ASCC3: variants seen among roughly 807,000 people sequenced by gnomAD.
ASCC3 encodes ASC-1 complex subunit P200.
In ASCC3, 158 loss-of-function variants were observed where a neutral mutation model predicts 256.3. The observed-to-expected ratio is 0.62, with a 90% CI of 0.54 to 0.70. The LOEUF is 0.70. Among genes scored for constraint, ASCC3 ranks in the 30% least tolerant of loss-of-function variants. ASCC3 has a pLI of 0.00. For missense variants in ASCC3, 2,259 were observed against 2,626.0 expected (o/e 0.86, Z 3.05); for synonymous variants, 948 against 883.4 (o/e 1.07, Z -1.30).
chr6:100,563,798 A>G (rs1770080421), intron 36 of ASCC3, among the ~76,000 whole-genome samples: 1 of 152,210 alleles, frequency 6.6e-6, no homozygotes, highest in South Asian at 2.1e-4. Context: ...CTGATAATCT[A>G]AATTTGCTAT....
intron 1 of ASCC3, among the ~76,000 whole-genome samples, chr6:100,874,189 T>C (rs1773878113): frequency 6.6e-6 from 1 of 152,126 alleles, no homozygotes; most frequent in Non-Finnish European, 1.5e-5. Flanking sequence ...CATTTTAGGC[T>C]GGGCGCGGTG....
chr6:100,616,400 T>C (rs964405129), intron 30 of ASCC3, among the ~76,000 whole-genome samples: 108 of 152,348 alleles, frequency 7.1e-4, no homozygotes, highest in African/African-American at 2.5e-3. Flanking sequence ...TGCATTACAG[T>C]TTTCATAAAT....
At chr6:100,878,722 C>T (rs1327516901) in intron 1 of ASCC3, among the ~76,000 whole-genome samples, 1 of 152,218 alleles carries the variant, frequency 6.6e-6, no homozygotes, top group Non-Finnish European at 1.5e-5. Flanking sequence ...AAGGAATTTA[C>T]GCCTGCCCTC....
In ASCC3 at chr6:100,673,180, A is replaced by G. The variant is rs1322686616; in HGVS notation, c.2286+6438T>C. ...AGAAATAAGTTGGCATTCCAGAGAGAGGACCCTAATTAGAAAAAGATAAAT... is the reference window on the plus strand; with the variant it reads ...AGAAATAAGTTGGCATTCCAGAGAGGGGACCCTAATTAGAAAAAGATAAAT... On this transcript the variant is annotated intron_variant, in intron 14 of 41. Transcript: ENST00000369162. Among the ~76,000 whole-genome samples, 3 of 152,108 alleles carry G rather than the reference A, an allele frequency of 2.0e-5. No individual in the cohort carries two copies. The East Asian group carries it at 5.8e-4, about 29-fold the overall frequency.
intron 16 of ASCC3, among the ~76,000 whole-genome samples, chr6:100,660,521 TTTTA>T (rs2114929167): frequency 1.3e-5 from 2 of 151,842 alleles, no homozygotes; most frequent in South Asian, 2.1e-4. Context: ...TGGATTCAAA[TTTTA>T]TTTCTCAGTT....
At chr6:100,670,638 T>C (rs556274093) in intron 14 of ASCC3, among the ~76,000 whole-genome samples, 66 of 143,076 alleles carry the variant, frequency 4.6e-4, no homozygotes, top group African/African-American at 1.1e-3. Context: ...ACCAACTTTT[T>C]TTCCCCCCCA....
intron 10 of ASCC3, among the ~76,000 whole-genome samples, chr6:100,761,326 C>G (rs372703248): frequency 1.3e-5 from 2 of 152,062 alleles, no homozygotes; most frequent in South Asian, 4.2e-4. Context: ...CTCATTGCTA[C>G]AAAAAATAAC....
Position 100,627,994 on chromosome 6 carries a change from A to C in ASCC3, c.4376-7T>G. The C allele has an allele frequency of 6.2e-7, 1 of 1,613,044 alleles. No homozygotes were observed. The highest frequency in any genetic ancestry group is 8.5e-7 in the Non-Finnish European group (1 of 1,179,508). On this transcript the variant is annotated splice_region_variant and splice_polypyrimidine_tract_variant and intron_variant, in intron 27 of 41. Transcript: ENST00000369162. ...ACAGGGCCTCTTTCCTCCCCTAGAA[A>C]ATAGGGAAAAATCAATGTTAATCAT...
chr6:100,715,580 ACTTT>A, intron 12 of ASCC3, 47 bp from the exon 13 acceptor site: 1 of 1,522,664 alleles, frequency 6.6e-7, no homozygotes, highest in Non-Finnish European at 9.0e-7. Flanking sequence ...ACAATTATAA[ACTTT>A]CTAACTACAA....
At chr6:100,534,071 T>C (rs773170212) in intron 37 of ASCC3, among the ~76,000 whole-genome samples, 3 of 152,112 alleles carry the variant, frequency 2.0e-5, no homozygotes, top group African/African-American at 7.2e-5. Context: ...GGTGAAACTC[T>C]GTCTCTACAA....
At chr6:100,744,086 A>G (rs977895700) in intron 10 of ASCC3, among the ~76,000 whole-genome samples, 3 of 152,236 alleles carry the variant, frequency 2.0e-5, no homozygotes, top group Admixed American at 2.0e-4. Context: ...TTTACCCTGA[A>G]TGTCCTTACT....
chr6:100,732,165 C>CAAAAAAA (rs386408063), intron 10 of ASCC3, among the ~76,000 whole-genome samples: 26 of 104,792 alleles, frequency 2.5e-4, no homozygotes, highest in Middle Eastern at 4.7e-3. Flanking sequence ...CGTCTCAAAA[C>CAAAAAAA]AAAAAAAAAA....
chr6:100,766,782 C>T (rs1781678947), intron 9 of ASCC3, 77 bp from the exon 10 acceptor site: 3 of 1,542,070 alleles, frequency 1.9e-6, no homozygotes, highest in Admixed American at 1.7e-5. Context: ...CAATACAAGT[C>T]ACAATTTATT....
intron 3 of ASCC3, among the ~76,000 whole-genome samples, chr6:100,851,570 A>G (rs1772670340): frequency 6.6e-6 from 1 of 152,230 alleles, no homozygotes. Context: ...TCAAATTTTT[A>G]ATAACCATTA....
intron 1 of ASCC3, among the ~76,000 whole-genome samples, chr6:100,875,972 T>A (rs1452231717): frequency 6.6e-6 from 1 of 151,612 alleles, no homozygotes; most frequent in East Asian, 1.9e-4. Context: ...GGTTTAAGAG[T>A]TTCTGAAAAT....
intron 5 of ASCC3, among the ~76,000 whole-genome samples, chr6:100,801,635 G>A (rs1284771348): frequency 1.3e-5 from 2 of 151,686 alleles, no homozygotes; most frequent in African/African-American, 4.8e-5. Context: ...TCAAAATTAT[G>A]AAATAAAATA....
chr6:100,523,703 C>T (rs534262166), intron 37 of ASCC3, among the ~76,000 whole-genome samples: 19 of 152,290 alleles, frequency 1.2e-4, no homozygotes, highest in African/African-American at 4.6e-4. Context: ...CATTTAAATT[C>T]AACCACATTT....
At chr6:100,513,941 CAGTT>C (rs1366883067) in intron 39 of ASCC3, among the ~76,000 whole-genome samples, 3 of 151,018 alleles carry the variant, frequency 2.0e-5, no homozygotes, top group Non-Finnish European at 4.4e-5. Context: ...GTTACCTTCT[CAGTT>C]AGTTTTTAAA....
At chr6:100,863,901 G>A (rs1426628182) in intron 3 of ASCC3, among the ~76,000 whole-genome samples, 163 bp downstream of exon 3, 1 of 152,066 alleles carries the variant, frequency 6.6e-6, no homozygotes, top group African/African-American at 2.4e-5. Flanking sequence ...GGGGTTACAT[G>A]CATGAGCCAC....
Sources: gnomAD v4.1 joint callset for allele counts (sites outside exome capture counted in the v4.1 genomes callset) on GRCh38, gnomAD v4.1.1 for gene constraint, MANE v1.5 for transcripts, NCBI Gene and HGNC (gene_info 2026-07-23, HGNC 2026-07-21) for gene names.